RBFOX1: variants seen among roughly 807,000 people sequenced by gnomAD.
RBFOX1 encodes the protein RNA binding fox-1 homolog 1, also known as RNA binding protein fox-1 homolog 1.
RBFOX1 carries 8 observed loss-of-function variants against 57.7 expected under a neutral mutation model. That is an observed-to-expected ratio of 0.14 (90% CI 0.08 to 0.25). RBFOX1 has a LOEUF of 0.25. Among genes scored for constraint, RBFOX1 ranks in the 10% least tolerant of loss-of-function variants. The probability of loss-of-function intolerance (pLI) is 1.00; values close to 1 mark genes in which losing one functional copy is unlikely to be tolerated. For synonymous variants in RBFOX1, 326 were observed against 222.4 expected (o/e 1.47, Z -4.15); for missense variants, 611 against 548.5 (o/e 1.11, Z -1.14).
At position 6,542,004 on chromosome 16, in the gene RBFOX1, T is replaced by G. The variant is rs539963949; in HGVS notation, c.-63-112599T>G. Among the ~76,000 whole-genome samples the G allele has an allele frequency of 2.0e-5, 3 of 152,020 alleles. No individual in the cohort carries two copies. The East Asian group carries it at 5.8e-4, about 29-fold the overall frequency. On this transcript the variant is annotated intron_variant, in intron 2 of 15. Coordinates refer to ENST00000550418, the MANE Select transcript of RBFOX1 (RefSeq NM_018723.4). ...CTCTGTCACCCTTGCTGGAGTGCAGTAGAATGATCATAGCTCACTGCAGCC... is the reference window on the plus strand; with the variant it reads ...CTCTGTCACCCTTGCTGGAGTGCAGGAGAATGATCATAGCTCACTGCAGCC...
At chr16:5,700,510 A>G (rs1029020420) in intron 3 of RBFOX1, among the ~76,000 whole-genome samples, 10 of 152,102 alleles carry the variant, frequency 6.6e-5, no homozygotes, top group Non-Finnish European at 2.9e-5. Context: ...ATTTTCTTCT[A>G]TGTCAGCTTT....
At chr16:7,038,943 A>T (rs2045334145) in intron 3 of RBFOX1, among the ~76,000 whole-genome samples, 2 of 152,156 alleles carry the variant, frequency 1.3e-5, no homozygotes, top group African/African-American at 4.8e-5. Context: ...ACATCCCTTT[A>T]ATCAGATAAC....
At chr16:5,315,387 C>A (rs1467676847) in intron 1 of RBFOX1, among the ~76,000 whole-genome samples, 1 of 152,168 alleles carries the variant, frequency 6.6e-6, no homozygotes, top group African/African-American at 2.4e-5. Flanking sequence ...GCTTAGAATT[C>A]ATATCTTGCA....
intron 10 of RBFOX1, among the ~76,000 whole-genome samples, chr16:7,627,302 G>A (rs2060231131): frequency 6.6e-6 from 1 of 152,036 alleles, no homozygotes; most frequent in Non-Finnish European, 1.5e-5. Context: ...TTGCCTACTG[G>A]CTGTGTTGAG....
intron 5 of RBFOX1, among the ~76,000 whole-genome samples, chr16:7,559,341 CTCTT>C (rs1324818409): frequency 1.3e-4 from 20 of 152,318 alleles, no homozygotes; most frequent in East Asian, 3.9e-4. Flanking sequence ...CACCTAGTCT[CTCTT>C]TCTCCCTCTC....
chr16:6,510,416 G>A (rs894387763), intron 2 of RBFOX1, among the ~76,000 whole-genome samples: 2 of 152,106 alleles, frequency 1.3e-5, no homozygotes, highest in African/African-American at 4.8e-5. Flanking sequence ...TTGATGACAC[G>A]CTGAGTCCCT....
chr16:6,957,623 C>G (rs1467246094), intron 3 of RBFOX1, among the ~76,000 whole-genome samples: 4 of 152,016 alleles, frequency 2.6e-5, no homozygotes, highest in Non-Finnish European at 5.9e-5. Flanking sequence ...TCAGCAAGGT[C>G]TTTATGACCC....
intron 4 of RBFOX1, among the ~76,000 whole-genome samples, chr16:7,324,554 A>T (rs1450673164): frequency 1.3e-5 from 2 of 152,192 alleles, no homozygotes; most frequent in African/African-American, 4.8e-5. Context: ...TTCCTGAGGC[A>T]TTGTTGATCT....
chr16:5,443,177 A>G (rs1597086933), intron 1 of RBFOX1, among the ~76,000 whole-genome samples: 1 of 152,136 alleles, frequency 6.6e-6, no homozygotes, highest in African/African-American at 2.4e-5. Context: ...GTCTGTCATA[A>G]CTTGTTGCAG....
chr16:7,002,855 C>T (rs1342421747), intron 3 of RBFOX1, among the ~76,000 whole-genome samples: 1 of 152,148 alleles, frequency 6.6e-6, no homozygotes, highest in Non-Finnish European at 1.5e-5. Flanking sequence ...GAGTTTCTCT[C>T]AACATCCCGA....
intron 1 of RBFOX1, chr16:5,270,551 G>A (rs2062978992): frequency 1.7e-6 from 1 of 601,248 alleles, no homozygotes; most frequent in Non-Finnish European, 3.1e-6. Context: ...TCATGTTGAT[G>A]TGAAGACTAC....
chr16:5,388,404 T>G (rs2066312346), intron 1 of RBFOX1, among the ~76,000 whole-genome samples: 1 of 152,140 alleles, frequency 6.6e-6, no homozygotes, highest in South Asian at 2.1e-4. Flanking sequence ...TGTGGTCCAA[T>G]AGGCACAGTC....
At chr16:7,185,419 T>C (rs548030635) in intron 4 of RBFOX1, among the ~76,000 whole-genome samples, 3 of 152,336 alleles carry the variant, frequency 2.0e-5, no homozygotes, top group South Asian at 2.1e-4. Flanking sequence ...TGGAGGGCCA[T>C]TGGACGCCAT....
intron 1 of RBFOX1, among the ~76,000 whole-genome samples, chr16:5,439,042 G>A (rs112324853): frequency 1.5e-4 from 21 of 144,644 alleles, no homozygotes; most frequent in Middle Eastern, 3.4e-3. Context: ...TGGGGGGGGG[G>A]GCATAGTGAT....
At chr16:5,989,826 G>A (rs1194732526) in intron 4 of RBFOX1, among the ~76,000 whole-genome samples, 2 of 91,360 alleles carry the variant, frequency 2.2e-5, no homozygotes, top group Non-Finnish European at 5.1e-5. Context: ...AGAAATGAGA[G>A]ACTAGTAACA....
intron 1 of RBFOX1, among the ~76,000 whole-genome samples, chr16:5,457,993 A>G (rs990407726): frequency 5.3e-5 from 8 of 152,202 alleles, no homozygotes; most frequent in African/African-American, 1.7e-4. Context: ...ACCAACTTGA[A>G]TAGCCTCCCC....
chr16:7,466,855 G>T (rs986695698), intron 4 of RBFOX1, among the ~76,000 whole-genome samples: 2 of 152,156 alleles, frequency 1.3e-5, no homozygotes, highest in Non-Finnish European at 2.9e-5. Flanking sequence ...GGACAAATTA[G>T]AGCAGGAAGA....
chr16:7,344,294 C>G (rs1007662262), intron 4 of RBFOX1, among the ~76,000 whole-genome samples: 2 of 149,964 alleles, frequency 1.3e-5, no homozygotes, highest in Non-Finnish European at 3.0e-5. Flanking sequence ...AATAGTAAAT[C>G]CAATATAGTC....
intron 1 of RBFOX1, among the ~76,000 whole-genome samples, chr16:6,263,109 A>T (rs950545860): frequency 6.6e-5 from 10 of 152,190 alleles, no homozygotes; most frequent in African/African-American, 2.4e-4. Context: ...TTAGGAGAAC[A>T]CAGAGTGCGC....
Sources: allele counts gnomAD v4.1 joint callset (sites outside exome capture counted in the v4.1 genomes callset), GRCh38; gene constraint gnomAD v4.1.1; transcripts MANE v1.5; gene names NCBI Gene and HGNC (gene_info 2026-07-23, HGNC 2026-07-21).